PTPRB: variants seen among roughly 807,000 people sequenced by gnomAD.
PTPRB encodes protein tyrosine phosphatase receptor type B.
Under a neutral mutation model 238.1 loss-of-function variants are expected in PTPRB, and 97 were observed. That is an observed-to-expected ratio of 0.41 (90% CI 0.35 to 0.48). The LOEUF (loss-of-function observed/expected upper bound fraction) is 0.48. PTPRB is among the 20% of genes least tolerant of loss of function. The probability of loss-of-function intolerance (pLI) is 0.30; values close to 1 mark genes in which losing one functional copy is unlikely to be tolerated. For synonymous variants in PTPRB, 970 were observed against 995.4 expected (o/e 0.97, Z 0.48); for missense variants, 2,292 against 2,681.9 (o/e 0.85, Z 3.21).
chr12:70,588,981 A>G (rs1882216320), intron 8 of PTPRB, among the ~76,000 whole-genome samples: 1 of 152,158 alleles, frequency 6.6e-6, no homozygotes, highest in Non-Finnish European at 1.5e-5. Flanking sequence ...TAATAAATAA[A>G]TAAATAAAAG....
intron 4 of PTPRB, among the ~76,000 whole-genome samples, chr12:70,601,215 C>A (rs1442291153): frequency 2.0e-5 from 3 of 151,946 alleles, no homozygotes; most frequent in African/African-American, 4.8e-5. Context: ...GTTGCCCCAG[C>A]TGGTCTCAAA....
chr12:70,616,486 A>G (rs77567474), intron 3 of PTPRB, among the ~76,000 whole-genome samples: 4,468 of 152,296 alleles, frequency 0.029, 98 homozygotes, highest in Non-Finnish European at 0.042. Flanking sequence ...TGCAAACCTG[A>G]TTGCACATTA....
chr12:70,532,237 G>C, intron 31 of PTPRB, 67 bp from the exon 32 acceptor site: 1 of 1,470,750 alleles, frequency 6.8e-7, no homozygotes, highest in Non-Finnish European at 9.1e-7. Context: ...TGCATCTAGA[G>C]ACTCTGGCAC....
At chr12:70,598,161 G>A (rs760752384) in intron 4 of PTPRB, among the ~76,000 whole-genome samples, 2 of 152,100 alleles carry the variant, frequency 1.3e-5, no homozygotes, top group African/African-American at 2.4e-5. Flanking sequence ...TTGACAGCCC[G>A]GGCTTGAATT....
rs763439556 is a variant in PTPRB, at chr12:70,569,686, A to G, written c.3623T>C (p.Val1208Ala). 2 of 1,613,860 alleles carry G rather than the reference A, an allele frequency of 1.2e-6. No individual in the cohort carries two copies. The highest frequency in any genetic ancestry group is 1.7e-6 in the Non-Finnish European group (2 of 1,179,890). The change falls in exon 14 of 34, where the codon GTT (valine) becomes GCT (alanine). Residue 1208 changes from valine (V) to alanine (A), a missense_variant. Transcript: ENST00000334414. ...SGSLKNQINVVGRTVPASVQG... is the reference protein window; with the variant it reads ...SGSLKNQINVAGRTVPASVQG... ...AGGTGGATGCTTACCTGTCCGCCCA[A>G]CCACATTTATCTGATTCTTCAGGGA...
chr12:70,631,948 G>A (rs1885472697), intron 2 of PTPRB, among the ~76,000 whole-genome samples: 1 of 152,218 alleles, frequency 6.6e-6, no homozygotes, highest in African/African-American at 2.4e-5. Context: ...TGGAGAGGAT[G>A]TGGAGAAATT....
intron 22 of PTPRB, among the ~76,000 whole-genome samples, chr12:70,543,655 A>G (rs1875516605): frequency 6.6e-6 from 1 of 152,144 alleles, no homozygotes. Flanking sequence ...AGACCTAGAG[A>G]TCAAGCATTG....
At chr12:70,628,143 C>T (rs1417117266) in intron 2 of PTPRB, among the ~76,000 whole-genome samples, 3 of 152,100 alleles carry the variant, frequency 2.0e-5, no homozygotes, top group Admixed American at 6.5e-5. Flanking sequence ...GAAAATTTGC[C>T]TACAAATATT....
intron 22 of PTPRB, 139 bp from the exon 23 acceptor site, chr12:70,541,096 T>C (rs1258441623): frequency 1.4e-6 from 1 of 711,334 alleles, no homozygotes; most frequent in East Asian, 2.7e-5. Context: ...ATGAGGCATT[T>C]ACTTTCCAAA....
chr12:70,626,304 T>TATCC (rs1282317651), intron 2 of PTPRB, among the ~76,000 whole-genome samples: 6 of 67,820 alleles, frequency 8.8e-5, no homozygotes, highest in African/African-American at 3.2e-4. Flanking sequence ...TCCATCTATC[T>TATCC]ATCTATCTAT....
intron 33 of PTPRB, 33 bp downstream of exon 33, chr12:70,524,437 GA>G: frequency 1.9e-6 from 3 of 1,561,234 alleles, no homozygotes; most frequent in Non-Finnish European, 2.6e-6. Flanking sequence ...TCTTGATGAA[GA>G]AACTTGGGGA....
rs1025915098 is a variant in PTPRB at position 70,571,295 on chromosome 12, G to A, written c.3107-6C>T. 6.4e-7 allele frequency: 1 copy of A among 1,573,772 alleles called. No homozygotes were observed. Among genetic ancestry groups the A allele is most frequent in the Non-Finnish European group, 8.7e-7 (1 of 1,145,386 alleles). ...ATCCTTAACAGGCTCTGGAACTAGG[G>A]AGAAAAATGAGAAGACATTTCAGGA... On this transcript the variant is annotated splice_region_variant and splice_polypyrimidine_tract_variant and intron_variant, in intron 12 of 33. Coordinates refer to ENST00000334414, the MANE Select transcript of PTPRB (RefSeq NM_001109754.4).
chr12:70,604,826 T>A (rs1345459051), intron 4 of PTPRB, among the ~76,000 whole-genome samples: 4 of 152,152 alleles, frequency 2.6e-5, no homozygotes, highest in Non-Finnish European at 4.4e-5. Flanking sequence ...TATGAGGACA[T>A]GCAAAAAGGT....
At chr12:70,593,468 G>A (rs1252657320) in intron 6 of PTPRB, among the ~76,000 whole-genome samples, 2 of 129,962 alleles carry the variant, frequency 1.5e-5, no homozygotes, top group South Asian at 2.4e-4. Flanking sequence ...AGCTGAGATC[G>A]CACCATTGCA....
At chr12:70,592,117 TA>T in intron 7 of PTPRB, 164 bp downstream of exon 7, 1 of 903,330 alleles carries the variant, frequency 1.1e-6, no homozygotes, top group Non-Finnish European at 1.6e-6. Context: ...CTCAGTTGCC[TA>T]AGTGACTCAG....
At chr12:70,563,622 T>C (rs1878805000) in intron 15 of PTPRB, among the ~76,000 whole-genome samples, 1 of 152,222 alleles carries the variant, frequency 6.6e-6, no homozygotes, top group Non-Finnish European at 1.5e-5. Context: ...CTGGTCCAGA[T>C]CTTTTTATGT....
At chr12:70,533,261 A>G (rs1873569100) in intron 31 of PTPRB, among the ~76,000 whole-genome samples, 1 of 152,170 alleles carries the variant, frequency 6.6e-6, no homozygotes, top group African/African-American at 2.4e-5. Context: ...AAAAGCAGAA[A>G]GCTCTGAGGT....
intron 2 of PTPRB, among the ~76,000 whole-genome samples, chr12:70,626,896 G>C (rs1309353276): frequency 6.6e-6 from 1 of 152,026 alleles, no homozygotes; most frequent in Non-Finnish European, 1.5e-5. Flanking sequence ...AATATAATTA[G>C]TGAAATAAAG....
chr12:70,564,877 AATAAT>A (rs1879069634), intron 15 of PTPRB, among the ~76,000 whole-genome samples: 5 of 120,076 alleles, frequency 4.2e-5, no homozygotes, highest in Non-Finnish European at 8.5e-5. Context: ...TAATAATAAT[AATAAT>A]AATAATAAAT....
Sources: gnomAD v4.1 joint callset for allele counts (sites outside exome capture counted in the v4.1 genomes callset) on GRCh38, gnomAD v4.1.1 for gene constraint, MANE v1.5 for transcripts, NCBI Gene and HGNC (gene_info 2026-07-23, HGNC 2026-07-21) for gene names.